VWF: variants seen among roughly 807,000 people sequenced by gnomAD.
VWF encodes von Willebrand factor.
In VWF, 176 loss-of-function variants were observed where a neutral mutation model predicts 308.6. The observed-to-expected ratio is 0.57, with a 90% CI of 0.50 to 0.65. The LOEUF (loss-of-function observed/expected upper bound fraction) is 0.65, where lower values mean the gene tolerates loss of function less well. Ranked by LOEUF, VWF falls within the 30% of genes least tolerant of loss-of-function variation. The pLI is 0.00. For missense variants in VWF, 3,146 were observed against 3,648.2 expected, an observed-to-expected ratio of 0.86 and a Z score of 3.55; for synonymous variants, 1,385 against 1,443.4, an observed-to-expected ratio of 0.96 and a Z score of 0.92.
intron 10 of VWF, among the ~76,000 whole-genome samples, chr12:6,070,989 C>A (rs1246068052): frequency 6.6e-6 from 1 of 152,236 alleles, no homozygotes; most frequent in East Asian, 1.9e-4. Context: ...TCAATCATGA[C>A]CATACAGGCC....
At chr12:5,966,285 A>ACACG (rs1333250558) in intron 47 of VWF, among the ~76,000 whole-genome samples, 2 of 151,738 alleles carry the variant, frequency 1.3e-5, no homozygotes, top group African/African-American at 4.9e-5. Flanking sequence ...ATACACACAC[A>ACACG]CACACGCACA....
intron 5 of VWF, among the ~76,000 whole-genome samples, chr12:6,103,392 GT>G (rs1472933053): frequency 1.7e-5 from 2 of 119,832 alleles, no homozygotes; most frequent in African/African-American, 9.0e-5. Context: ...ACACGTGTGT[GT>G]ATACACGTGT....
At chr12:5,988,087 G>C (rs986648873) in intron 38 of VWF, among the ~76,000 whole-genome samples, 1 of 152,200 alleles carries the variant, frequency 6.6e-6, no homozygotes, top group African/African-American at 2.4e-5. Context: ...TCTCACAAGG[G>C]TGCACCTATG....
At chr12:6,081,923 A>G (rs1417938081) in intron 6 of VWF, among the ~76,000 whole-genome samples, 1 of 152,128 alleles carries the variant, frequency 6.6e-6, no homozygotes, top group Non-Finnish European at 1.5e-5. Flanking sequence ...TTTTCCCCTA[A>G]ATTATTTTTT....
intron 47 of VWF, among the ~76,000 whole-genome samples, chr12:5,964,262 A>ACATACATGCATACATACATG (rs57378872): frequency 1.4e-5 from 2 of 141,786 alleles, no homozygotes; most frequent in Non-Finnish European, 3.0e-5. Context: ...ATACATACAT[A>ACATACATGCATACATACATG]CATACATACA....
chr12:6,067,675 C>T (rs940144655), intron 10 of VWF, among the ~76,000 whole-genome samples: 10 of 152,152 alleles, frequency 6.6e-5, no homozygotes, highest in African/African-American at 1.9e-4. Flanking sequence ...CATGCGAACA[C>T]GCTCACCCAT....
At chr12:5,972,461 T>A (rs1943487371) in intron 43 of VWF, among the ~76,000 whole-genome samples, 1 of 152,192 alleles carries the variant, frequency 6.6e-6, no homozygotes, top group African/African-American at 2.4e-5. Flanking sequence ...AACCCAGGAC[T>A]ACGTTCCATC....
chr12:5,967,469 C>G lies in VWF; in HGVS notation c.7887+17G>C. 1 of 1,612,356 alleles carries G rather than the reference C, an allele frequency of 6.2e-7. No individual in the cohort carries two copies. Among genetic ancestry groups the G allele is most frequent in the Middle Eastern group, 1.7e-4 (1 of 6,052 alleles). ...GCGTCCAGTCCATGCCCTCGGTCCC[C>G]ATTGAGCCTCTCTTACCAGGGGGCA... is the stretch of plus-strand genomic sequence containing the variant. On this transcript the variant is annotated intron_variant, in intron 47 of 51. Coordinates refer to ENST00000261405, the MANE Select transcript of VWF (RefSeq NM_000552.5).
At chr12:5,955,485 G>A (rs1943238148) in intron 47 of VWF, among the ~76,000 whole-genome samples, 1 of 150,996 alleles carries the variant, frequency 6.6e-6, no homozygotes, top group Admixed American at 6.6e-5. Context: ...TTTTGTCCTT[G>A]CGATAGTTTA....
intron 18 of VWF, among the ~76,000 whole-genome samples, chr12:6,042,079 G>A (rs866808306): frequency 6.6e-6 from 1 of 152,182 alleles, no homozygotes; most frequent in Non-Finnish European, 1.5e-5. Flanking sequence ...CGGTGTCTAC[G>A]TAACACATGA....
chr12:6,049,771 G>A (rs892497300), intron 16 of VWF, among the ~76,000 whole-genome samples: 7 of 152,234 alleles, frequency 4.6e-5, no homozygotes, highest in Admixed American at 1.3e-4. Flanking sequence ...AAACAGCACT[G>A]GGCTAAGGCC....
At chr12:6,026,070 A>G (rs1944188183) in intron 22 of VWF, 24 bp from the exon 23 acceptor site, 1 of 1,613,840 alleles carries the variant, frequency 6.2e-7, no homozygotes, top group Admixed American at 1.7e-5. Context: ...TTGAGGGATG[A>G]GCACCGTCAA....
intron 33 of VWF, 60 bp downstream of exon 33, chr12:6,012,027 G>A: frequency 6.3e-7 from 1 of 1,591,358 alleles, no homozygotes; most frequent in Non-Finnish European, 8.6e-7. Context: ...TAACCAGTGG[G>A]AACAAGAGCC....
intron 18 of VWF, among the ~76,000 whole-genome samples, chr12:6,043,770 G>A (rs1242476729): frequency 3.3e-5 from 5 of 152,204 alleles, no homozygotes. Context: ...AAGACCTCAC[G>A]ACTCACATTA....
intron 6 of VWF, among the ~76,000 whole-genome samples, chr12:6,092,620 T>TGAGAGTGAGAGTGAGAGAGAGAGTGA (rs1250915385): frequency 1.0e-4 from 9 of 89,692 alleles, no homozygotes; most frequent in African/African-American, 5.4e-4. Context: ...TGAGTGAGAG[T>TGAGAGTGAGAGTGAGAGAGAGAGTGA]GTGTGTGTGT....
chr12:6,121,533 C>G (rs1945431574), intron 2 of VWF, among the ~76,000 whole-genome samples, 195 bp from the exon 3 acceptor site: 1 of 152,180 alleles, frequency 6.6e-6, no homozygotes, highest in Non-Finnish European at 1.5e-5. Context: ...ACAGCAATAA[C>G]TAAGGAACAG....
intron 6 of VWF, among the ~76,000 whole-genome samples, chr12:6,084,658 C>T (rs1458919989): frequency 1.3e-5 from 2 of 152,094 alleles, no homozygotes; most frequent in Non-Finnish European, 2.9e-5. Flanking sequence ...GGGAGGGGGA[C>T]ATTCCTAGGA....
chr12:6,050,034 T>C (rs1466502384), intron 16 of VWF, among the ~76,000 whole-genome samples: 2 of 152,188 alleles, frequency 1.3e-5, no homozygotes, highest in African/African-American at 4.8e-5. Flanking sequence ...ATGTACGTCT[T>C]TCTCTCCACC....
chr12:6,114,401 G>A (rs550819714), intron 3 of VWF, among the ~76,000 whole-genome samples: 29 of 152,158 alleles, frequency 1.9e-4, no homozygotes, highest in Non-Finnish European at 2.8e-4. Flanking sequence ...CCCGGAGGTC[G>A]CTATGGCTAT....
Sources: allele counts gnomAD v4.1 joint callset (sites outside exome capture counted in the v4.1 genomes callset), GRCh38; gene constraint gnomAD v4.1.1; transcripts MANE v1.5; gene names NCBI Gene and HGNC (gene_info 2026-07-23, HGNC 2026-07-21).